Variants in MAGI3 observed in about 807,000 individuals in gnomAD.
The protein encoded by MAGI3 is membrane-associated guanylate kinase, WW and PDZ domain-containing protein 3.
In MAGI3, 43 loss-of-function variants were observed where a neutral mutation model predicts 121.8. The observed-to-expected ratio is 0.35, with a 90% CI of 0.28 to 0.46. MAGI3 has a LOEUF of 0.46. MAGI3 is among the 20% of genes least tolerant of loss of function. MAGI3 has a pLI of 1.00. For missense variants in MAGI3, 1,547 were observed against 1,797.3 expected (o/e 0.86, Z 2.52); for synonymous variants, 553 against 639.3 (o/e 0.86, Z 2.04).
intron 9 of MAGI3, among the ~76,000 whole-genome samples, chr1:113,635,935 TC>T (rs1651985855): frequency 6.6e-6 from 1 of 152,220 alleles, no homozygotes; most frequent in African/African-American, 2.4e-5. Flanking sequence ...AGATTCAACT[TC>T]TTCCTGGTTT....
intron 9 of MAGI3, among the ~76,000 whole-genome samples, chr1:113,635,291 C>A (rs1651929968): frequency 6.6e-6 from 1 of 152,200 alleles, no homozygotes. Context: ...GAGAGGGCAT[C>A]CCTGTCTTGG....
In MAGI3 at chr1:113,442,325, C is replaced by T. The variant is rs576697040; in HGVS notation, c.316+50976C>T. 1.2e-4 allele frequency among the ~76,000 whole-genome samples: 19 copies of T among 152,004 alleles called. No homozygotes were observed. The South Asian group carries it at 2.3e-3, about 18-fold the overall frequency. On this transcript the variant is annotated intron_variant, in intron 1 of 20. Transcript: ENST00000307546. ...TGCACTAACAAAATGAATCTCATGC[C>T]GATTAGTTAACAATTCTTTGGCAGT... is the stretch of plus-strand genomic sequence containing the variant.
At chr1:113,458,545 C>G (rs998387687) in intron 1 of MAGI3, among the ~76,000 whole-genome samples, 9 of 152,166 alleles carry the variant, frequency 5.9e-5, no homozygotes, top group Admixed American at 5.9e-4. Context: ...GTATCTCACT[C>G]TGTTGCCCAG....
intron 11 of MAGI3, among the ~76,000 whole-genome samples, chr1:113,644,572 C>T (rs149706018): frequency 5.9e-5 from 9 of 152,304 alleles, no homozygotes; most frequent in African/African-American, 1.4e-4. Flanking sequence ...TGATACACCA[C>T]GTCCGGCTGA....
chr1:113,636,181 C>T (rs552377186), intron 9 of MAGI3, among the ~76,000 whole-genome samples: 2 of 152,156 alleles, frequency 1.3e-5, no homozygotes, highest in African/African-American at 2.4e-5. Flanking sequence ...AAAACCAGCT[C>T]CTGGATTCAT....
Position 113,475,466 on chromosome 1 carries a change from G to A in MAGI3, c.317-74049G>A, listed in dbSNP as rs146396978. ...GCATGAAGGGCTGTTGAATTTTGTCGAAGGCCTTCATCTATTGAGATAATC... is the reference window on the plus strand; with the variant it reads ...GCATGAAGGGCTGTTGAATTTTGTCAAAGGCCTTCATCTATTGAGATAATC... On this transcript the variant is annotated intron_variant, in intron 1 of 20. Coordinates refer to ENST00000307546, the MANE Select transcript of MAGI3 (RefSeq NM_001142782.2). Among the ~76,000 whole-genome samples, 268 of 151,792 alleles carry A rather than the reference G, an allele frequency of 1.8e-3. 5 individuals carry two copies. In the East Asian group the frequency reaches 0.039, roughly 22 times the overall value.
intron 1 of MAGI3, among the ~76,000 whole-genome samples, chr1:113,474,817 A>G (rs1655729195): frequency 6.6e-6 from 1 of 152,216 alleles, no homozygotes; most frequent in Non-Finnish European, 1.5e-5. Context: ...TTGAATCTAT[A>G]AATTATTTGG....
intron 1 of MAGI3, among the ~76,000 whole-genome samples, chr1:113,461,578 A>G (rs1167758603): frequency 6.6e-6 from 1 of 152,194 alleles, no homozygotes; most frequent in Non-Finnish European, 1.5e-5. Context: ...TCAACTCAAG[A>G]TGGATCAAAG....
At chr1:113,440,401 T>G (rs1170659035) in intron 1 of MAGI3, among the ~76,000 whole-genome samples, 1 of 152,184 alleles carries the variant, frequency 6.6e-6, no homozygotes, top group African/African-American at 2.4e-5. Context: ...TCTCATAGTC[T>G]TAGGATATCT....
chr1:113,614,353 C>G (rs943731724), intron 6 of MAGI3, among the ~76,000 whole-genome samples: 1 of 152,122 alleles, frequency 6.6e-6, no homozygotes, highest in Non-Finnish European at 1.5e-5. Flanking sequence ...ATTTTTATGG[C>G]TTGTGGTTCA....
At chr1:113,579,478 G>A (rs978003644) in intron 2 of MAGI3, among the ~76,000 whole-genome samples, 1 of 152,176 alleles carries the variant, frequency 6.6e-6, no homozygotes, top group African/African-American at 2.4e-5. Flanking sequence ...GATCACAAAG[G>A]GCTTTGTAAA....
chr1:113,444,242 A>G (rs115931598), intron 1 of MAGI3, among the ~76,000 whole-genome samples: 1,542 of 152,298 alleles, frequency 0.01, 29 homozygotes, highest in African/African-American at 0.035. Context: ...TTGTCCTCCA[A>G]ATATTGGGGA....
At chr1:113,650,976 T>C in intron 13 of MAGI3, 38 bp from the exon 14 acceptor site, 1 of 1,580,120 alleles carries the variant, frequency 6.3e-7, no homozygotes, top group South Asian at 1.1e-5. Flanking sequence ...AGCTAAACTT[T>C]ACACTGTGGA....
At chr1:113,636,997 T>C (rs1652074548) in intron 9 of MAGI3, among the ~76,000 whole-genome samples, 1 of 152,252 alleles carries the variant, frequency 6.6e-6, no homozygotes, top group Non-Finnish European at 1.5e-5. Context: ...CTTCTTTGTC[T>C]CTTTTGATCT....
chr1:113,436,382 T>C (rs1653568010), intron 1 of MAGI3, among the ~76,000 whole-genome samples: 1 of 152,132 alleles, frequency 6.6e-6, no homozygotes, highest in Non-Finnish European at 1.5e-5. Context: ...AAGATTTCTC[T>C]AATGGGCAGT....
intron 1 of MAGI3, among the ~76,000 whole-genome samples, chr1:113,531,543 T>C (rs1053546575): frequency 9.2e-5 from 14 of 152,156 alleles, no homozygotes; most frequent in Non-Finnish European, 1.3e-4. Flanking sequence ...ATCAGTCTGA[T>C]GGTGAGAAAT....
intron 2 of MAGI3, among the ~76,000 whole-genome samples, chr1:113,573,345 T>A (rs1346125695): frequency 2.0e-5 from 3 of 152,258 alleles, no homozygotes; most frequent in Non-Finnish European, 4.4e-5. Flanking sequence ...GCTATAAGCT[T>A]CCGTCTAAAC....
intron 1 of MAGI3, among the ~76,000 whole-genome samples, chr1:113,424,016 A>G (rs1433477185): frequency 6.6e-6 from 1 of 152,144 alleles, no homozygotes; most frequent in Non-Finnish European, 1.5e-5. Context: ...CCACGGGGGC[A>G]GGGGGTTTCC....
At chr1:113,511,060 A>G (rs1340976956) in intron 1 of MAGI3, among the ~76,000 whole-genome samples, 2 of 152,188 alleles carry the variant, frequency 1.3e-5, no homozygotes, top group Non-Finnish European at 2.9e-5. Context: ...TCCTGTGCCC[A>G]TTGTGGGGAC....
Sources: allele counts gnomAD v4.1 joint callset (sites outside exome capture counted in the v4.1 genomes callset), GRCh38; gene constraint gnomAD v4.1.1; transcripts MANE v1.5; gene names NCBI Gene and HGNC (gene_info 2026-07-23, HGNC 2026-07-21).